SCHIP1: variants seen among roughly 807,000 people sequenced by gnomAD.
The protein encoded by SCHIP1 is schwannomin interacting protein 1.
SCHIP1 carries 8 observed loss-of-function variants against 29.7 expected under a neutral mutation model. The observed-to-expected ratio is 0.27, with a 90% CI of 0.16 to 0.49. The LOEUF (loss-of-function observed/expected upper bound fraction) is 0.49, where lower values mean the gene tolerates loss of function less well. Among genes scored for constraint, SCHIP1 ranks in the 20% least tolerant of loss-of-function variants. The pLI is 0.99. For missense variants in SCHIP1, 193 were observed against 294.6 expected, an observed-to-expected ratio of 0.66 and a Z score of 2.52; for synonymous variants, 76 against 94.9, an observed-to-expected ratio of 0.80 and a Z score of 1.16.
chr3:159,584,479 CA>C, the SCHIP1 span, among the ~76,000 whole-genome samples: 1 of 152,174 alleles, frequency 6.6e-6, no homozygotes, highest in Non-Finnish European at 1.5e-5. Context: ...CAGAGCTAAA[CA>C]GCCATCATTG....
chr3:159,884,977 G>T (rs1444750966), intron 2 of SCHIP1, among the ~76,000 whole-genome samples: 1 of 152,168 alleles, frequency 6.6e-6, no homozygotes, highest in Non-Finnish European at 1.5e-5. Flanking sequence ...AGTAATTACA[G>T]AATTTAACAA....
At chr3:159,704,909 T>C in the SCHIP1 span, among the ~76,000 whole-genome samples, 11 of 57,668 alleles carry the variant, frequency 1.9e-4, no homozygotes, top group Admixed American at 7.0e-4. Context: ...TCTTTCTTTA[T>C]TTCTTTCTTT....
the SCHIP1 span, among the ~76,000 whole-genome samples, chr3:159,750,296 T>TATACAC: frequency 5.8e-4 from 77 of 132,768 alleles, no homozygotes; most frequent in African/African-American, 2.3e-3. Flanking sequence ...TATATATATA[T>TATACAC]ACACACACAC....
the SCHIP1 span, among the ~76,000 whole-genome samples, chr3:159,434,406 C>T: frequency 2.0e-5 from 3 of 152,038 alleles, no homozygotes; most frequent in African/African-American, 7.2e-5. Context: ...TGACCTAAAC[C>T]TTAAGACACA....
the SCHIP1 span, among the ~76,000 whole-genome samples, chr3:159,425,592 G>T: frequency 7.2e-5 from 11 of 152,034 alleles, no homozygotes; most frequent in East Asian, 7.7e-4. Context: ...CATTAATAAT[G>T]GGAGACTTTA....
chr3:159,837,776 T>C (rs1443797443), upstream of SCHIP1, among the ~76,000 whole-genome samples: 3 of 152,082 alleles, frequency 2.0e-5, no homozygotes, highest in African/African-American at 4.8e-5. Context: ...TGCAAGGCAC[T>C]CTACACAGAA....
At chr3:159,886,216 T>C (rs1207365036) in exon 3 of SCHIP1, 1 of 1,613,910 alleles carries the variant, frequency 6.2e-7, no homozygotes. Context: ...GACTGCAGAG[T>C]GGGATGAACT....
chr3:159,565,568 T>C, the SCHIP1 span, among the ~76,000 whole-genome samples: 1 of 152,296 alleles, frequency 6.6e-6, no homozygotes, highest in Non-Finnish European at 1.5e-5. Flanking sequence ...GAGAGAACAG[T>C]TATGGATACA....
At chr3:159,561,836 A>G in the SCHIP1 span, among the ~76,000 whole-genome samples, 1 of 152,162 alleles carries the variant, frequency 6.6e-6, no homozygotes, top group Admixed American at 6.5e-5. Context: ...CTCTGGAGCA[A>G]TAGAATTCTG....
exon 7 of SCHIP1, chr3:159,896,849 G>A (rs377429606): frequency 2.0e-6 from 3 of 1,468,994 alleles, no homozygotes; most frequent in Admixed American, 2.3e-5. Context: ...GTTGCTAAAG[G>A]TGGCGCAGAA....
chr3:159,622,936 T>C, the SCHIP1 span, among the ~76,000 whole-genome samples: 1 of 151,796 alleles, frequency 6.6e-6, no homozygotes, highest in East Asian at 1.9e-4. Context: ...AAAAAGAAAA[T>C]AATTTACATG....
the SCHIP1 span, among the ~76,000 whole-genome samples, chr3:159,525,176 T>C: frequency 1.3e-5 from 2 of 152,234 alleles, no homozygotes; most frequent in African/African-American, 4.8e-5. Flanking sequence ...CTTAAAATTA[T>C]AACACGCATA....
chr3:159,542,401 C>T, the SCHIP1 span, among the ~76,000 whole-genome samples: 4 of 152,030 alleles, frequency 2.6e-5, no homozygotes, highest in East Asian at 3.9e-4. Flanking sequence ...GACTGATATG[C>T]GTTTCATCAC....
chr3:159,839,759 C>A, upstream of SCHIP1: 1 of 503,562 alleles, frequency 2.0e-6, no homozygotes, highest in East Asian at 3.8e-5. Context: ...CTCTCCCTCT[C>A]CCTCGCTGGC....
chr3:159,820,966 G>T, the SCHIP1 span, among the ~76,000 whole-genome samples: 2 of 152,230 alleles, frequency 1.3e-5, no homozygotes, highest in Non-Finnish European at 2.9e-5. Context: ...TGGCTGTTGA[G>T]CACTTAAAAC....
chr3:159,582,287 C>A, the SCHIP1 span, among the ~76,000 whole-genome samples: 1 of 152,150 alleles, frequency 6.6e-6, no homozygotes, highest in Non-Finnish European at 1.5e-5. Context: ...CTCCCACCTC[C>A]TGAGTAGCTG....
chr3:159,671,451 C>T, the SCHIP1 span, among the ~76,000 whole-genome samples: 2 of 152,174 alleles, frequency 1.3e-5, no homozygotes, highest in African/African-American at 2.4e-5. Context: ...CTCTCTGCCT[C>T]ACTCCCAAGG....
chr3:159,811,959 GTT>G, the SCHIP1 span, among the ~76,000 whole-genome samples: 3 of 122,684 alleles, frequency 2.4e-5, no homozygotes, highest in African/African-American at 9.8e-5. Context: ...ATGTTTTGTA[GTT>G]TTTTTTGTTT....
chr3:159,795,740 G>A, the SCHIP1 span, among the ~76,000 whole-genome samples: 1 of 152,210 alleles, frequency 6.6e-6, no homozygotes, highest in African/African-American at 2.4e-5. Context: ...GGAGGATGTG[G>A]AAGGAGATAT....
Sources: gnomAD v4.1 joint callset for allele counts (sites outside exome capture counted in the v4.1 genomes callset) on GRCh38, gnomAD v4.1.1 for gene constraint, MANE v1.5 for transcripts, NCBI Gene and HGNC (gene_info 2026-07-23, HGNC 2026-07-21) for gene names.